The following TENM3 variants were observed in gnomAD, a reference collection of about 807,000 sequenced individuals.
The protein encoded by TENM3 is teneurin-3.
A neutral mutation model predicts 255.1 loss-of-function variants in TENM3; 63 were observed. The observed-to-expected ratio is 0.25, with a 90% CI of 0.20 to 0.30. The LOEUF is 0.30. Ranked by LOEUF, TENM3 falls within the 10% of genes least tolerant of loss-of-function variation. The pLI is 1.00. For missense variants in TENM3, 2,929 were observed against 3,461.1 expected (o/e 0.85, Z 3.86); for synonymous variants, 1,306 against 1,322.3 (o/e 0.99, Z 0.27).
intron 5 of TENM3, among the ~76,000 whole-genome samples, chr4:182,651,088 CTT>C (rs1753237321): frequency 1.3e-5 from 2 of 152,074 alleles, no homozygotes; most frequent in Admixed American, 6.5e-5. Context: ...GGCAAGAAGA[CTT>C]TTTATGTTAA....
At chr4:182,388,229 C>G (rs1179384369) in intron 3 of TENM3, among the ~76,000 whole-genome samples, 1 of 152,204 alleles carries the variant, frequency 6.6e-6, no homozygotes, top group Non-Finnish European at 1.5e-5. Context: ...CCAGGAACTA[C>G]TTCCCACCTG....
At chr4:181,767,023 C>A in the TENM3 span, among the ~76,000 whole-genome samples, 2 of 147,708 alleles carry the variant, frequency 1.4e-5, no homozygotes, top group African/African-American at 5.0e-5. Flanking sequence ...GAGGCCGAGG[C>A]GGGCGGATCA....
At chr4:181,877,086 A>G in the TENM3 span, 1 of 152,162 alleles carries the variant, frequency 6.6e-6, no homozygotes, top group Non-Finnish European at 1.5e-5. Flanking sequence ...TGAGCTGTGT[A>G]ACATACACAT....
chr4:182,352,472 C>T (rs1468450535), intron 3 of TENM3, among the ~76,000 whole-genome samples: 2 of 152,124 alleles, frequency 1.3e-5, no homozygotes, highest in Non-Finnish European at 2.9e-5. Context: ...CATCAGTTCA[C>T]ACAATAAAAT....
At chr4:181,499,345 T>C in the TENM3 span, among the ~76,000 whole-genome samples, 1 of 152,332 alleles carries the variant, frequency 6.6e-6, no homozygotes, top group African/African-American at 2.4e-5. Context: ...TTTAGTAGGG[T>C]ACCTATAAAC....
chr4:181,665,004 A>T, the TENM3 span, among the ~76,000 whole-genome samples: 1 of 152,208 alleles, frequency 6.6e-6, no homozygotes, highest in Non-Finnish European at 1.5e-5. Context: ...AACTCCTTTC[A>T]TACCCAAGTC....
intron 1 of TENM3, among the ~76,000 whole-genome samples, chr4:182,221,001 A>C (rs192987271): frequency 6.6e-6 from 1 of 152,340 alleles, no homozygotes; most frequent in East Asian, 1.9e-4. Context: ...GCTTAATCAG[A>C]AATAATGAAG....
At chr4:182,291,261 G>A (rs1761105513) in intron 1 of TENM3, among the ~76,000 whole-genome samples, 1 of 152,192 alleles carries the variant, frequency 6.6e-6, no homozygotes, top group Non-Finnish European at 1.5e-5. Context: ...AGGAACCTGA[G>A]CCTGTGTGTC....
At chr4:181,485,186 A>G in the TENM3 span, among the ~76,000 whole-genome samples, 1 of 152,154 alleles carries the variant, frequency 6.6e-6, no homozygotes, top group Non-Finnish European at 1.5e-5. Context: ...GCCTCTATCA[A>G]AATAAACGTA....
intron 1 of TENM3, among the ~76,000 whole-genome samples, chr4:182,217,775 T>A (rs1401954723): frequency 6.6e-6 from 1 of 152,310 alleles, no homozygotes; most frequent in African/African-American, 2.4e-5. Flanking sequence ...TTTGTGATAT[T>A]ATTTGAGATT....
the TENM3 span, among the ~76,000 whole-genome samples, chr4:181,729,565 T>C: frequency 6.6e-6 from 1 of 152,216 alleles, no homozygotes; most frequent in East Asian, 1.9e-4. Context: ...CATTAACAGA[T>C]GTATTTGAGT....
chr4:182,392,133 G>T, intron 3 of TENM3, among the ~76,000 whole-genome samples: 1 of 152,154 alleles, frequency 6.6e-6, no homozygotes, highest in East Asian at 1.9e-4. Flanking sequence ...ATCTCAAATG[G>T]GGAAAAGGGC....
At chr4:182,621,604 AATATATATAAAT>A (rs1472586693) in intron 4 of TENM3, among the ~76,000 whole-genome samples, 5 of 99,936 alleles carry the variant, frequency 5.0e-5, no homozygotes, top group African/African-American at 1.9e-4. Context: ...TCTGTACAAA[AATATATATAAAT>A]ATATATATAA....
At chr4:181,923,387 C>T in the TENM3 span, among the ~76,000 whole-genome samples, 1 of 152,106 alleles carries the variant, frequency 6.6e-6, no homozygotes. Context: ...AGAGTTTGGA[C>T]ATCATAAAGT....
chr4:182,600,869 A>ATG (rs1491371083), intron 3 of TENM3, 55 bp from the exon 4 acceptor site: 16 of 681,372 alleles, frequency 2.3e-5, no homozygotes, highest in African/African-American at 3.8e-5. Flanking sequence ...GTGTATATAC[A>ATG]TATATATATA....
intron 12 of TENM3, among the ~76,000 whole-genome samples, chr4:182,709,913 A>G (rs1219701118): frequency 1.3e-5 from 2 of 152,194 alleles, no homozygotes; most frequent in East Asian, 1.9e-4. Flanking sequence ...GACCGGCTAT[A>G]TATTTTAAAT....
chr4:182,225,060 A>AC (rs1259839033), intron 1 of TENM3, among the ~76,000 whole-genome samples: 1 of 151,908 alleles, frequency 6.6e-6, no homozygotes, highest in East Asian at 1.9e-4. Flanking sequence ...CAGTTTTGAG[A>AC]CCATGGCAAG....
the TENM3 span, among the ~76,000 whole-genome samples, chr4:181,628,816 G>T: frequency 6.6e-6 from 1 of 152,124 alleles, no homozygotes; most frequent in Non-Finnish European, 1.5e-5. Context: ...TGGCAGTGCG[G>T]CCTCTTTTTT....
chr4:181,526,127 T>C, the TENM3 span, among the ~76,000 whole-genome samples: 488 of 152,316 alleles, frequency 3.2e-3, 2 homozygotes, highest in African/African-American at 0.011. Context: ...TCACTGTTAT[T>C]TTCCTCTGGC....
Sources: allele counts gnomAD v4.1 joint callset (sites outside exome capture counted in the v4.1 genomes callset), GRCh38; gene constraint gnomAD v4.1.1; transcripts MANE v1.5; gene names NCBI Gene and HGNC (gene_info 2026-07-23, HGNC 2026-07-21).